Variants in PABPC4L observed in about 807,000 individuals in gnomAD.
PABPC4L encodes poly(A) binding protein cytoplasmic 4 like, also known as polyadenylate-binding protein 4-like.
For missense variants in PABPC4L, 452 were observed against 451.4 expected (o/e 1.00, Z -0.01); for synonymous variants, 169 against 164.1 (o/e 1.03, Z -0.23).
the PABPC4L span, among the ~76,000 whole-genome samples, chr4:134,158,930 T>G: frequency 2.5e-3 from 379 of 152,314 alleles, 2 homozygotes; most frequent in African/African-American, 8.5e-3. Flanking sequence ...CGTAGCATGT[T>G]ACTATATTGA....
chr4:134,052,868 T>C, the PABPC4L span, among the ~76,000 whole-genome samples: 2 of 152,162 alleles, frequency 1.3e-5, no homozygotes, highest in African/African-American at 4.8e-5. Flanking sequence ...GTTTTAGTTT[T>C]ATATTTTTGT....
the PABPC4L span, among the ~76,000 whole-genome samples, chr4:134,188,582 G>A: frequency 5.3e-5 from 8 of 152,020 alleles, no homozygotes; most frequent in Non-Finnish European, 1.2e-4. Context: ...ACAAATTCTA[G>A]GATGGAGAAG....
chr4:134,099,045 C>T, the PABPC4L span, among the ~76,000 whole-genome samples: 1 of 151,600 alleles, frequency 6.6e-6, no homozygotes, highest in South Asian at 2.1e-4. Context: ...CAAGTACAGA[C>T]AACTCTTTCT....
At chr4:133,963,546 T>C in the PABPC4L span, among the ~76,000 whole-genome samples, 2 of 152,062 alleles carry the variant, frequency 1.3e-5, no homozygotes, top group Non-Finnish European at 2.9e-5. Flanking sequence ...AAACATGCTA[T>C]TCAACAGCTC....
the PABPC4L span, among the ~76,000 whole-genome samples, chr4:134,014,950 A>G: frequency 6.6e-6 from 1 of 151,922 alleles, no homozygotes; most frequent in South Asian, 2.1e-4. Flanking sequence ...GAGACACTTT[A>G]TCTGCTTCCC....
At chr4:134,029,914 GC>G in the PABPC4L span, among the ~76,000 whole-genome samples, 1 of 152,000 alleles carries the variant, frequency 6.6e-6, no homozygotes, top group African/African-American at 2.4e-5. Context: ...ACCCCATGCT[GC>G]TGTTCTCATG....
the PABPC4L span, among the ~76,000 whole-genome samples, chr4:134,062,115 A>G: frequency 6.6e-6 from 1 of 151,906 alleles, no homozygotes; most frequent in African/African-American, 2.4e-5. Context: ...AGAAAAAAAA[A>G]ACATAGGAAC....
the PABPC4L span, among the ~76,000 whole-genome samples, chr4:133,962,018 T>G: frequency 6.6e-6 from 1 of 152,168 alleles, no homozygotes; most frequent in Non-Finnish European, 1.5e-5. Context: ...TGCCACCATC[T>G]TGGGAGCAAT....
At chr4:134,032,075 G>A in the PABPC4L span, among the ~76,000 whole-genome samples, 1 of 151,598 alleles carries the variant, frequency 6.6e-6, no homozygotes, top group Non-Finnish European at 1.5e-5. Flanking sequence ...AATATAAGAT[G>A]ACAATATCTT....
chr4:134,002,186 C>G, the PABPC4L span, among the ~76,000 whole-genome samples: 1 of 151,598 alleles, frequency 6.6e-6, no homozygotes. Flanking sequence ...AACTTAAATC[C>G]GGTAAATATT....
chr4:134,130,076 A>C, the PABPC4L span, among the ~76,000 whole-genome samples: 2 of 151,588 alleles, frequency 1.3e-5, no homozygotes, highest in Non-Finnish European at 2.9e-5. Context: ...AAAAAAAAAA[A>C]AAAAACAACT....
chr4:134,115,097 A>G, the PABPC4L span, among the ~76,000 whole-genome samples: 4 of 151,734 alleles, frequency 2.6e-5, no homozygotes, highest in Non-Finnish European at 5.9e-5. Flanking sequence ...TTCCTTTTGT[A>G]TTTACTCAGC....
chr4:134,201,354 C>G (rs915904273), intron 1 of PABPC4L, 109 bp from the exon 2 acceptor site: 5 of 1,169,152 alleles, frequency 4.3e-6, no homozygotes, highest in Admixed American at 3.4e-5. Context: ...TCTCCACAGA[C>G]GCCCTGGTCG....
chr4:134,105,617 A>G, the PABPC4L span, among the ~76,000 whole-genome samples: 1 of 151,710 alleles, frequency 6.6e-6, no homozygotes, highest in Non-Finnish European at 1.5e-5. Context: ...ACATACAGAC[A>G]TACAAATCTT....
chr4:133,975,945 A>C, the PABPC4L span, among the ~76,000 whole-genome samples: 1 of 152,210 alleles, frequency 6.6e-6, no homozygotes, highest in South Asian at 2.1e-4. Flanking sequence ...TCACACAAAC[A>C]CATATATTTA....
At chr4:134,149,124 C>G in the PABPC4L span, among the ~76,000 whole-genome samples, 1 of 152,090 alleles carries the variant, frequency 6.6e-6, no homozygotes, top group Non-Finnish European at 1.5e-5. Context: ...TTCCAAAGCA[C>G]TGTTCAAGAT....
At chr4:133,954,572 T>C in the PABPC4L span, among the ~76,000 whole-genome samples, 1 of 152,092 alleles carries the variant, frequency 6.6e-6, no homozygotes, top group Non-Finnish European at 1.5e-5. Flanking sequence ...CCCAACAGAC[T>C]ATACAGGTGA....
the PABPC4L span, among the ~76,000 whole-genome samples, chr4:134,085,127 G>A: frequency 1.3e-5 from 2 of 152,118 alleles, no homozygotes; most frequent in African/African-American, 4.8e-5. Context: ...AGTTGAGAAA[G>A]GTTGAGCTTC....
chr4:134,194,371 TCA>T (rs1729597697), downstream of PABPC4L, among the ~76,000 whole-genome samples: 2 of 151,694 alleles, frequency 1.3e-5, no homozygotes, highest in Non-Finnish European at 3.0e-5. Flanking sequence ...CTACAGCAAT[TCA>T]CACTTTTTCT....
Sources: gnomAD v4.1 joint callset for allele counts (sites outside exome capture counted in the v4.1 genomes callset) on GRCh38, gnomAD v4.1.1 for gene constraint, MANE v1.5 for transcripts, NCBI Gene and HGNC (gene_info 2026-07-23, HGNC 2026-07-21) for gene names.